The following LMO7 variants were observed in gnomAD, a reference collection of about 807,000 sequenced individuals.
The protein encoded by LMO7 is LIM domain only protein 7.
Under a neutral mutation model 206.5 loss-of-function variants are expected in LMO7, and 120 were observed. The ratio of observed to expected loss-of-function variants is 0.58; its 90% CI spans 0.50 to 0.68. The LOEUF is 0.68. LMO7 is among the 30% of genes least tolerant of loss of function. The pLI, the probability that LMO7 is intolerant of heterozygous loss-of-function variation, is 0.00. For synonymous variants in LMO7, 706 were observed against 681.5 expected (o/e 1.04, Z -0.56); for missense variants, 1,959 against 1,957.9 (o/e 1.00, Z -0.01).
intron 4 of LMO7, among the ~76,000 whole-genome samples, chr13:75,781,096 C>CTTTTTTTTTTTTTTTTTCTTTTTTTTT (rs2051285777): frequency 2.4e-5 from 1 of 41,924 alleles, no homozygotes; most frequent in Non-Finnish European, 4.1e-5. Context: ...CTCTATTTTC[C>CTTTTTTTTTTTTTTTTTCTTTTTTTTT]TTTTTTTTTT....
At chr13:75,654,222 G>A (rs2037834973) in intron 1 of LMO7, among the ~76,000 whole-genome samples, 1 of 152,224 alleles carries the variant, frequency 6.6e-6, no homozygotes, top group South Asian at 2.1e-4. Context: ...ACAGAAGGTA[G>A]CAACAGTAGG....
Position 75,819,504 on chromosome 13 carries a change from T to A in LMO7, c.2176T>A (p.Ser726Thr), listed in dbSNP as rs1040030677. The change falls in exon 13 of 31, where the codon TCT becomes ACT. Residue 726 changes from serine to threonine, a missense_variant. By Grantham distance (58) the Ser-to-Thr change is moderately conservative. Coordinates refer to ENST00000377534, the MANE Select transcript of LMO7 (RefSeq NM_001306080.2). ...KQALEKSKRSSKTFKEMLQDR... is the reference protein window; with the variant it reads ...KQALEKSKRSTKTFKEMLQDR... ...GGCACTTGAGAAGTCTAAGAGAAGCTCTAAGACGTTTAAGGAAATGCTGCA... is the reference window on the plus strand; with the variant it reads ...GGCACTTGAGAAGTCTAAGAGAAGCACTAAGACGTTTAAGGAAATGCTGCA... 6.2e-6 allele frequency: 10 copies of A among 1,607,132 alleles called. No individual in the cohort carries two copies. Among genetic ancestry groups the A allele is most frequent in the African/African-American group, 1.3e-5 (1 of 74,270 alleles).
chr13:75,788,678 G>A (rs748532878), intron 4 of LMO7, among the ~76,000 whole-genome samples: 3 of 152,092 alleles, frequency 2.0e-5, no homozygotes, highest in Non-Finnish European at 4.4e-5. Context: ...TGAACAGGTG[G>A]CCAAGCTGCA....
chr13:75,655,775 C>T (rs2038015276), intron 1 of LMO7, among the ~76,000 whole-genome samples: 1 of 151,420 alleles, frequency 6.6e-6, no homozygotes, highest in Non-Finnish European at 1.5e-5. Context: ...CTGTGTCTTC[C>T]AGGAGCTCAA....
intron 18 of LMO7, among the ~76,000 whole-genome samples, chr13:75,835,797 G>A (rs1203207500): frequency 2.0e-5 from 3 of 152,104 alleles, no homozygotes; most frequent in African/African-American, 4.8e-5. Flanking sequence ...ACTTACATAT[G>A]TGGTTAAGAG....
chr13:75,743,462 A>G (rs1347842588), intron 3 of LMO7, among the ~76,000 whole-genome samples: 3 of 152,226 alleles, frequency 2.0e-5, no homozygotes, highest in Non-Finnish European at 4.4e-5. Context: ...ATGACCATCA[A>G]TGGTAGACTG....
At chr13:75,663,589 C>A (rs2038839997) in intron 1 of LMO7, among the ~76,000 whole-genome samples, 1 of 151,874 alleles carries the variant, frequency 6.6e-6, no homozygotes, top group Non-Finnish European at 1.5e-5. Flanking sequence ...CGCCACTACA[C>A]CCGGCTAGTT....
intron 1 of LMO7, among the ~76,000 whole-genome samples, chr13:75,697,466 T>A (rs921738338): frequency 5.3e-5 from 8 of 152,100 alleles, no homozygotes; most frequent in African/African-American, 1.9e-4. Context: ...AACCATCAGA[T>A]CTCATGAGAC....
At chr13:75,695,277 G>T (rs999700614) in intron 1 of LMO7, among the ~76,000 whole-genome samples, 1 of 152,190 alleles carries the variant, frequency 6.6e-6, no homozygotes, top group African/African-American at 2.4e-5. Flanking sequence ...ATGTCTCACT[G>T]AATCAAGGTG....
chr13:75,701,827 T>C (rs1372217856), intron 1 of LMO7, among the ~76,000 whole-genome samples: 1 of 152,232 alleles, frequency 6.6e-6, no homozygotes, highest in African/African-American at 2.4e-5. Context: ...GCACATTTTG[T>C]ATGTGTTTTC....
chr13:75,826,880 C>T lies in LMO7; in HGVS notation c.2949+3007C>T, dbSNP rs117114658. On this transcript the variant is annotated intron_variant, in intron 15 of 30. Coordinates refer to ENST00000377534, the MANE Select transcript of LMO7 (RefSeq NM_001306080.2). ...AAAGAGACACGATTCACCTGCATAC[C>T]ACTGCTTGCTTTTTCTTGGACACAT... Among the ~76,000 whole-genome samples the T allele has an allele frequency of 3.1e-4, 47 of 152,164 alleles. No individual in the cohort carries two copies. The East Asian group carries it at 8.2e-3, about 26-fold the overall frequency.
chr13:75,628,922 C>T (rs559463689), intron 2 of LMO7, among the ~76,000 whole-genome samples: 1 of 152,328 alleles, frequency 6.6e-6, no homozygotes, highest in East Asian at 1.9e-4. Flanking sequence ...TTCACTTTTA[C>T]TGTACAAAAG....
At chr13:75,681,718 GTATATATA>G (rs71127572) in intron 1 of LMO7, among the ~76,000 whole-genome samples, 6,755 of 104,540 alleles carry the variant, frequency 0.065, 349 homozygotes, top group Admixed American at 0.095. Flanking sequence ...ATATATATAT[GTATATATA>G]TATATATATA....
intron 28 of LMO7, chr13:75,855,012 T>C: frequency 2.4e-6 from 1 of 415,966 alleles, no homozygotes; most frequent in Non-Finnish European, 4.4e-6. Flanking sequence ...CAGGATGGAC[T>C]AATTACACTG....
At chr13:75,621,610 G>A in exon 1 of LMO7, 2 of 595,822 alleles carry the variant, frequency 3.4e-6, no homozygotes, top group Non-Finnish European at 5.4e-6. Flanking sequence ...TTTCAATATG[G>A]TGCTACAGTG....
intron 29 of LMO7, 114 bp downstream of exon 29, chr13:75,855,482 C>A: frequency 1.6e-6 from 1 of 613,630 alleles, no homozygotes; most frequent in Non-Finnish European, 2.9e-6. Context: ...CTGTATTCGT[C>A]CATCTGTGCT....
intron 26 of LMO7, among the ~76,000 whole-genome samples, chr13:75,846,907 T>C (rs756248281): frequency 2.6e-5 from 4 of 151,948 alleles, no homozygotes; most frequent in Non-Finnish European, 5.9e-5. Flanking sequence ...GGCATGTGCC[T>C]GTAATCCCAG....
At chr13:75,753,307 A>C (rs1282361449) in intron 3 of LMO7, among the ~76,000 whole-genome samples, 2 of 152,190 alleles carry the variant, frequency 1.3e-5, no homozygotes, top group Non-Finnish European at 2.9e-5. Flanking sequence ...TCTGGATATC[A>C]GTCTGCTGTT....
At chr13:75,736,123 C>T (rs2045801172) in intron 3 of LMO7, among the ~76,000 whole-genome samples, 1 of 152,194 alleles carries the variant, frequency 6.6e-6, no homozygotes, top group South Asian at 2.1e-4. Flanking sequence ...TCAAAGATCT[C>T]TCCAAGTATT....
Sources: allele counts gnomAD v4.1 joint callset (sites outside exome capture counted in the v4.1 genomes callset), GRCh38; gene constraint gnomAD v4.1.1; transcripts MANE v1.5; gene names NCBI Gene and HGNC (gene_info 2026-07-23, HGNC 2026-07-21).